The following DCAF11 variants were observed in gnomAD, a reference collection of about 807,000 sequenced individuals.
The protein encoded by DCAF11 is DDB1- and CUL4-associated factor 11.
Under a neutral mutation model 76.1 loss-of-function variants are expected in DCAF11, and 44 were observed. That is an observed-to-expected ratio of 0.58 (90% CI 0.45 to 0.74). The LOEUF (loss-of-function observed/expected upper bound fraction) is 0.74, where lower values mean the gene tolerates loss of function less well. Among genes scored for constraint, DCAF11 ranks in the 30% least tolerant of loss-of-function variants. The pLI is 0.00. For synonymous variants in DCAF11, 258 were observed against 255.0 expected (o/e 1.01, Z -0.11); for missense variants, 604 against 709.4 (o/e 0.85, Z 1.69).
Position 24,115,510 on chromosome 14 carries a change from T to G in DCAF11, c.-85T>G, listed in dbSNP as rs77935488. ...CCCCGTCTCAGGAGACCCTGGTATT[T>G]CTAGAGCACGCTTTGCTTTCACCAA... On this transcript the variant is annotated 5_prime_UTR_variant, in exon 2 of 15. Coordinates refer to ENST00000446197, the MANE Select transcript of DCAF11 (RefSeq NM_025230.5). 3,223 of 1,514,570 alleles carry G rather than the reference T, an allele frequency of 2.1e-3. 11 individuals are homozygous for G. Among genetic ancestry groups the G allele is most frequent in the Non-Finnish European group, 2.5e-3 (2,880 of 1,132,716 alleles). The allele number at this position is 1,514,570 out of a possible 1,614,324, so 93.8% of individuals were successfully genotyped here.
At chr14:24,118,646 A>G (rs2037628980) in intron 7 of DCAF11, 104 bp from the exon 8 acceptor site, 3 of 1,594,442 alleles carry the variant, frequency 1.9e-6, no homozygotes, top group African/African-American at 1.3e-5. Flanking sequence ...ATCACTCCCA[A>G]AGTGCTCCAG....
chr14:24,122,604 A>G (rs955973843), intron 13 of DCAF11, among the ~76,000 whole-genome samples: 2 of 152,190 alleles, frequency 1.3e-5, no homozygotes, highest in Admixed American at 1.3e-4. Context: ...GACAAAAGAA[A>G]GATGCACCCT....
At chr14:24,119,323 T>G (rs1048235273) in intron 9 of DCAF11, 110 bp downstream of exon 9, 1 of 1,429,634 alleles carries the variant, frequency 7.0e-7, no homozygotes, top group Admixed American at 1.7e-5. Flanking sequence ...CAACCAGACC[T>G]TCTCCCAAGG....
rs1395972401 is a variant in DCAF11, at chr14:24,115,098, AG to A, written c.-404del. 6.9e-6 allele frequency: 6 copies of A among 863,542 alleles called. No homozygotes were observed. In the African/African-American group the frequency reaches 1.1e-4, roughly 16 times the overall value. The allele number at this position is 863,542 out of a possible 1,614,324, so 53.5% of individuals were successfully genotyped here. A position where few individuals can be genotyped will look rare whatever the true frequency, so the allele number is the denominator to read the frequency against. On this transcript the variant is annotated 5_prime_UTR_variant, in exon 1 of 15. Coordinates refer to ENST00000446197, the MANE Select transcript of DCAF11 (RefSeq NM_025230.5). ...GCTGTCACTGCTGCCGGCCTTTGTA[AG>A]GGGGCGCTCTGATTGGTCGATAAGG...
rs1184179267 is a variant in DCAF11, at chr14:24,123,011, C to T, written c.1440C>T (p.Thr480=). 2 of 1,614,160 alleles carry T rather than the reference C, an allele frequency of 1.2e-6. No individual in the cohort carries two copies. Among genetic ancestry groups the T allele is most frequent in the Admixed American group, 3.3e-5 (2 of 60,020 alleles). ...LLSGHIVKKL[T]NHKACVRDVS... ...GTGGCCACATTGTGAAGAAGCTGAC[C>T]AACCACAAGGCCTGTGTGCGTGACG... The change falls in exon 14 of 15, where the codon ACC becomes ACT. Residue 480 remains threonine (T), a synonymous_variant. Transcript: ENST00000446197.
chr14:24,118,859 T>C (rs1594336953), intron 8 of DCAF11, 55 bp downstream of exon 8: 1 of 1,588,848 alleles, frequency 6.3e-7, no homozygotes, highest in Non-Finnish European at 8.6e-7. Flanking sequence ...GGGAAGCTCT[T>C]TGGGAGCAAA....
At position 24,120,810 on chromosome 14, in the gene DCAF11, G is replaced by A. The variant is rs778676742; in HGVS notation, c.1093-28G>A. Reference sequence around the variant, plus strand: ...GGCGCCGACATTTGCAAGCTCTGATGCTTCACTATCCACCTTTGGATTCAT... The same window carrying A: ...GGCGCCGACATTTGCAAGCTCTGATACTTCACTATCCACCTTTGGATTCAT... On this transcript the variant is annotated intron_variant, in intron 11 of 14. Coordinates refer to ENST00000446197, the MANE Select transcript of DCAF11 (RefSeq NM_025230.5). 5 of 1,610,722 alleles carry A rather than the reference G, an allele frequency of 3.1e-6. No individual in the cohort carries two copies. The African/African-American group carries it at 4.0e-5, about 13-fold the overall frequency.
Position 24,117,729 on chromosome 14 carries a change from C to G in DCAF11, c.473C>G (p.Ser158Cys). ...FSLGEQSRVI[S>C]HFLPNDLGFT... The stretch of plus-strand genomic sequence containing the variant: ...CTTGGAGAACAGTCTCGAGTGATAT[C>G]TCAGTGAGTATGGGGCTTGGTGAAG... The change falls in exon 5 of 15, where the codon TCT (serine) becomes TGT (cysteine). Residue 158 changes from serine to cysteine, a missense_variant. By Grantham distance (112) the Ser-to-Cys change is moderately radical. Coordinates refer to ENST00000446197, the MANE Select transcript of DCAF11 (RefSeq NM_025230.5). The surrounding 1 kb of genome is among the most constrained non-coding windows in gnomAD (Gnocchi z 4.3). The G allele has an allele frequency of 6.2e-7, 1 of 1,614,028 alleles. No homozygotes were observed. The highest frequency in any genetic ancestry group is 8.5e-7 in the Non-Finnish European group (1 of 1,179,950).
In DCAF11 at chr14:24,119,113, G is replaced by T. The variant is rs200735490; in HGVS notation, c.780-32G>T. ...TGTAGATTAACAAAAGCTGAAGGAA[G>T]TCCACTTAACCCAGCTCCTTCTTGC... On this transcript the variant is annotated intron_variant, in intron 8 of 14. Transcript: ENST00000446197. 1.1e-5 allele frequency: 18 copies of T among 1,614,042 alleles called. No homozygotes were observed. In the East Asian group the frequency reaches 3.3e-4, roughly 30 times the overall value.
In DCAF11 at chr14:24,118,493, C is replaced by T. The variant is rs758178338; in HGVS notation, c.683C>T (p.Pro228Leu). 3.1e-6 allele frequency: 5 copies of T among 1,614,100 alleles called. No homozygotes were observed. Among genetic ancestry groups the T allele is most frequent in the Non-Finnish European group, 4.2e-6 (5 of 1,180,048 alleles). ...GWSVLDVAFTPDGNHFLYSSW... is the reference protein window; with the variant it reads ...GWSVLDVAFTLDGNHFLYSSW... ...AGCGTCTTGGATGTGGCCTTCACCC[C>T]TGATGGGAACCACTTCCTCTACTCT... The change falls in exon 7 of 15, where the codon CCT becomes CTT. Residue 228 changes from proline to leucine, a missense_variant. Coordinates refer to ENST00000446197, the MANE Select transcript of DCAF11 (RefSeq NM_025230.5).
chr14:24,117,162 CA>C lies in DCAF11; in HGVS notation c.284-103del. On this transcript the variant is annotated intron_variant, in intron 3 of 14. Coordinates refer to ENST00000446197, the MANE Select transcript of DCAF11 (RefSeq NM_025230.5). The surrounding 1 kb of genome is among the most constrained non-coding windows in gnomAD (Gnocchi z 4.3). ...TAATTTAAGGAATAAGGAGTCCTTA[CA>C]GCCCCAGTATATTCAGCCACAGGGG... 6.2e-7 allele frequency: 1 copy of C among 1,602,126 alleles called. No individual in the cohort carries two copies.
In DCAF11 at chr14:24,119,831, G is replaced by A. The variant is rs2037657107; in HGVS notation, c.1027G>A (p.Asp343Asn). ...GTGGGATCGACGCACCATGCGGGAG[G>A]ATGACCCCAAGCCTGTGGGTGCACT... The part of the protein sequence containing the change: ...KVWDRRTMRE[D>N]DPKPVGALAG... The change falls in exon 11 of 15, where the codon GAT (aspartate) becomes AAT (asparagine). Residue 343 changes from aspartate to asparagine, a missense_variant. Asp to Asn is a conservative substitution (Grantham distance 23). Coordinates refer to ENST00000446197, the MANE Select transcript of DCAF11 (RefSeq NM_025230.5). 2 of 1,614,074 alleles carry A rather than the reference G, an allele frequency of 1.2e-6. No homozygotes were observed. Among genetic ancestry groups the A allele is most frequent in the African/African-American group, 1.3e-5 (1 of 74,946 alleles).
intron 8 of DCAF11, 142 bp downstream of exon 8, chr14:24,118,946 A>G (rs2037637157): frequency 1.7e-6 from 2 of 1,157,922 alleles, no homozygotes; most frequent in Admixed American, 1.9e-5. Flanking sequence ...GGGAAGCACC[A>G]TCTTGTCAGC....
intron 8 of DCAF11, 24 bp from the exon 9 acceptor site, chr14:24,119,121 A>T: frequency 6.2e-7 from 1 of 1,614,190 alleles, no homozygotes; most frequent in Non-Finnish European, 8.5e-7. Flanking sequence ...AAGTCCACTT[A>T]ACCCAGCTCC....
chr14:24,122,514 A>G (rs1345027102), intron 13 of DCAF11, among the ~76,000 whole-genome samples: 2 of 145,246 alleles, frequency 1.4e-5, no homozygotes, highest in African/African-American at 2.6e-5. Flanking sequence ...AAAGAAAAAG[A>G]AAAAAAAAAC....
Position 24,115,651 on chromosome 14 carries a change from C to T in DCAF11, c.57C>T (p.Gly19=), listed in dbSNP as rs367752503. The T allele has an allele frequency of 1.5e-4, 247 of 1,613,890 alleles. No homozygotes were observed. The highest frequency in any genetic ancestry group is 2.1e-4 in the Non-Finnish European group (244 of 1,179,984). ...AGSGSGDPSE[G]LPRRGAGLRR... ...CCGGGTCCGGAGACCCCTCCGAGGG[C>T]TTGCCCCGAAGAGGGGCTGGCCTGC... The change falls in exon 2 of 15, where the codon GGC becomes GGT. Residue 19 remains glycine, a synonymous_variant. Transcript: ENST00000446197.
chr14:24,116,916 G>C lies in DCAF11; in HGVS notation c.156-1G>C, dbSNP rs902247311. The C allele has an allele frequency of 1.9e-6, 3 of 1,614,142 alleles. No individual in the cohort carries two copies. The highest frequency in any genetic ancestry group is 2.5e-6 in the Non-Finnish European group (3 of 1,180,012). Reference sequence around the variant, plus strand: ...CCTTTATAATGGGGGTCTCTCCACAGAGGCCAAGTGAGGTTGGTGCAGGGA... The same window carrying C: ...CCTTTATAATGGGGGTCTCTCCACACAGGCCAAGTGAGGTTGGTGCAGGGA... On this transcript the variant is annotated splice_acceptor_variant, in intron 2 of 14. Coordinates refer to ENST00000446197, the MANE Select transcript of DCAF11 (RefSeq NM_025230.5). LOFTEE classifies it high-confidence loss of function.
At position 24,116,042 on chromosome 14, in the gene DCAF11, GA is replaced by G. The variant is rs752609223; in HGVS notation, c.155+303del. On this transcript the variant is annotated intron_variant, in intron 2 of 14. Transcript: ENST00000446197. ...TATAGTCTATTTTCCAAGTAAGCTT[GA>G]AAAAAAAAAGGGGGGGGTCCTAGTG... Among the ~76,000 whole-genome samples the G allele has an allele frequency of 3.0e-4, 43 of 145,150 alleles. No individual in the cohort carries two copies. The East Asian group carries it at 4.6e-3, about 16-fold the overall frequency.
Position 24,117,994 on chromosome 14 carries a change from C to A in DCAF11, c.477-61C>A. On this transcript the variant is annotated intron_variant, in intron 5 of 14. Transcript: ENST00000446197. The surrounding 1 kb of genome is among the most constrained non-coding windows in gnomAD (Gnocchi z 4.3). ...ATATTCCAGCTCTGTTAGGATTCTG[C>A]TGATTGGGACACTCCTTATCCTGAG... The A allele has an allele frequency of 8.2e-7, 1 of 1,217,918 alleles. No homozygotes were observed. The highest frequency in any genetic ancestry group is 1.2e-6 in the Non-Finnish European group (1 of 845,730). 75.4% of individuals were successfully genotyped at this position (1,217,918 alleles called of 1,614,324 possible).
Sources: gnomAD v4.1 joint callset for allele counts (sites outside exome capture counted in the v4.1 genomes callset) on GRCh38, gnomAD v4.1.1 for gene constraint, Gnocchi (gnomAD v3.1) non-coding constraint, MANE v1.5 for transcripts, NCBI Gene and HGNC (gene_info 2026-07-23, HGNC 2026-07-21) for gene names.